The following GNG2 variants were observed in gnomAD, a reference collection of about 807,000 sequenced individuals.
GNG2 encodes G protein subunit gamma 2.
A neutral mutation model predicts 5.5 loss-of-function variants in GNG2; 5 were observed. That is an observed-to-expected ratio of 0.91 (90% CI 0.48 to 1.92). GNG2 has a LOEUF of 1.92. GNG2 is among the 30% of genes most tolerant of loss of function. GNG2 has a pLI of 0.01. For missense variants in GNG2, 55 were observed against 88.4 expected, an observed-to-expected ratio of 0.62 and a Z score of 1.52; for synonymous variants, 28 against 32.0, an observed-to-expected ratio of 0.88 and a Z score of 0.42.
chr14:51,949,239 G>A (rs72678153), intron 2 of GNG2, among the ~76,000 whole-genome samples: 3,204 of 152,166 alleles, frequency 0.021, 51 homozygotes, highest in Non-Finnish European at 0.036. Context: ...TCTCCATGAA[G>A]GGATTTGTAT....
intron 2 of GNG2, among the ~76,000 whole-genome samples, chr14:51,901,988 A>G (rs1034448640): frequency 6.7e-6 from 1 of 150,038 alleles, no homozygotes. Flanking sequence ...AAAAAAAAAA[A>G]AAAAGACCAA....
chr14:51,854,378 G>T (rs899945150), intron 2 of GNG2, among the ~76,000 whole-genome samples: 1 of 152,210 alleles, frequency 6.6e-6, no homozygotes, highest in Admixed American at 6.5e-5. Flanking sequence ...CAGAACTTCA[G>T]AAACATACAA....
intron 1 of GNG2, among the ~76,000 whole-genome samples, chr14:51,826,971 C>T (rs545423477): frequency 2.0e-5 from 3 of 152,220 alleles, no homozygotes; most frequent in Non-Finnish European, 2.9e-5. Context: ...GACACAGATC[C>T]GAGGTTTCCT....
chr14:51,891,272 C>G (rs914502527), intron 2 of GNG2, among the ~76,000 whole-genome samples: 5 of 152,206 alleles, frequency 3.3e-5, no homozygotes, highest in African/African-American at 4.8e-5. Context: ...GCATCTGCTT[C>G]TTGGTAGCCT....
upstream of GNG2, among the ~76,000 whole-genome samples, chr14:51,857,679 G>T (rs190147974): frequency 7.7e-4 from 116 of 151,274 alleles, 1 homozygote; most frequent in South Asian, 2.9e-3. Flanking sequence ...AGAGAGGAGG[G>T]GTTTGGGCAA....
At chr14:51,830,124 G>A (rs1475307480) in intron 2 of GNG2, among the ~76,000 whole-genome samples, 1 of 152,048 alleles carries the variant, frequency 6.6e-6, no homozygotes, top group Non-Finnish European at 1.5e-5. Flanking sequence ...AACAGGCGTG[G>A]GCCACCATGC....
At chr14:51,942,206 C>G (rs1431661097) in intron 2 of GNG2, among the ~76,000 whole-genome samples, 2 of 152,120 alleles carry the variant, frequency 1.3e-5, no homozygotes, top group Non-Finnish European at 2.9e-5. Context: ...AATATAAAAA[C>G]CCAGTTAGTT....
At chr14:51,859,821 T>A (rs1358923249), upstream of GNG2, among the ~76,000 whole-genome samples, 5 of 152,056 alleles carry the variant, frequency 3.3e-5, no homozygotes, top group African/African-American at 1.2e-4. Flanking sequence ...GTGTGTGGAA[T>A]GGGGAGAGGA....
At chr14:51,860,199 C>T (rs921519803), upstream of GNG2, among the ~76,000 whole-genome samples, 2 of 141,460 alleles carry the variant, frequency 1.4e-5, no homozygotes, top group African/African-American at 5.4e-5. Context: ...GGGGCCAGAA[C>T]CTGGCCAGGG....
rs73289378 is a variant in GNG2 at position 51,849,099 on chromosome 14, G to A, written c.64+21292G>A. Among the ~76,000 whole-genome samples the A allele has an allele frequency of 2.2e-3, 332 of 152,264 alleles. 3 individuals carry two copies. Among genetic ancestry groups the A allele is most frequent in the African/African-American group, 7.6e-3 (317 of 41,536 alleles). On this transcript the variant is annotated intron_variant, in intron 2 of 3. Transcript: ENST00000553432. ...TTTCTGGCCCTCAGTCTAACTTGAG[G>A]TTACAGTCAAAATGTCAGTTGTTTG... is the stretch of plus-strand genomic sequence containing the variant.
At position 51,916,701 on chromosome 14, in the gene GNG2, G is replaced by C. The variant is rs149829266; in HGVS notation, c.-29-33949G>C. Among the ~76,000 whole-genome samples the C allele has an allele frequency of 2.9e-3, 435 of 152,296 alleles. 5 individuals carry two copies. Among genetic ancestry groups the C allele is most frequent in the African/African-American group, 9.9e-3 (413 of 41,560 alleles). ...CCAGGCTGCTGTGGACCATACCCAG[G>C]TTGGTGTAGGTATCCAGGGGTGCAG... On this transcript the variant is annotated intron_variant, in intron 2 of 3. Transcript: ENST00000556766.
At chr14:51,862,523 A>T (rs1282362259) in intron 1 of GNG2, among the ~76,000 whole-genome samples, 2 of 152,258 alleles carry the variant, frequency 1.3e-5, no homozygotes, top group Non-Finnish European at 2.9e-5. Context: ...AGCTGCATGG[A>T]TAAGGACAGG....
chr14:51,935,109 C>T (rs1233896688), intron 2 of GNG2, among the ~76,000 whole-genome samples: 1 of 147,594 alleles, frequency 6.8e-6, no homozygotes, highest in Non-Finnish European at 1.5e-5. Context: ...ACTGTAAGCT[C>T]TGCCTCCCGA....
intron 2 of GNG2, among the ~76,000 whole-genome samples, chr14:51,880,781 C>T (rs867272044): frequency 2.2e-4 from 33 of 151,900 alleles, no homozygotes; most frequent in Admixed American, 6.6e-5. Context: ...AGATGTCTAA[C>T]AAAATGACTC....
intron 1 of GNG2, among the ~76,000 whole-genome samples, chr14:51,869,654 C>A (rs1251686973): frequency 1.3e-5 from 2 of 152,068 alleles, no homozygotes; most frequent in African/African-American, 2.4e-5. Context: ...GCTGGGACCA[C>A]AAGTGTGTGC....
chr14:51,873,484 C>G (rs946540598), intron 1 of GNG2, among the ~76,000 whole-genome samples: 2 of 152,212 alleles, frequency 1.3e-5, no homozygotes, highest in Non-Finnish European at 2.9e-5. Context: ...CAAGAATGCA[C>G]TGGCACAGTC....
At chr14:51,882,624 T>C (rs1884162036) in intron 2 of GNG2, among the ~76,000 whole-genome samples, 1 of 152,228 alleles carries the variant, frequency 6.6e-6, no homozygotes, top group African/African-American at 2.4e-5. Context: ...ACAGTAAAAA[T>C]TTGTTTTTAA....
At chr14:51,836,874 T>TC (rs1881345139) in intron 2 of GNG2, among the ~76,000 whole-genome samples, 1 of 125,012 alleles carries the variant, frequency 8.0e-6, no homozygotes. Context: ...TTTTTTTTTT[T>TC]TGAGACAGAG....
At chr14:51,863,659 C>A (rs1397787009) in intron 1 of GNG2, among the ~76,000 whole-genome samples, 1 of 152,180 alleles carries the variant, frequency 6.6e-6, no homozygotes, top group Non-Finnish European at 1.5e-5. Flanking sequence ...AACTGAAATT[C>A]TATACCCATT....
Sources: allele counts gnomAD v4.1 joint callset (sites outside exome capture counted in the v4.1 genomes callset), GRCh38; gene constraint gnomAD v4.1.1; transcripts MANE v1.5; gene names NCBI Gene and HGNC (gene_info 2026-07-23, HGNC 2026-07-21).